The following TEX2 variants were observed in gnomAD, a reference collection of about 807,000 sequenced individuals.
TEX2 encodes the protein testis expressed 2, also known as testis-expressed protein 2.
TEX2 carries 53 observed loss-of-function variants against 106.9 expected under a neutral mutation model. The observed-to-expected ratio is 0.50, with a 90% CI of 0.40 to 0.62. The LOEUF (loss-of-function observed/expected upper bound fraction) is 0.62. Ranked by LOEUF, TEX2 falls within the 20% of genes least tolerant of loss-of-function variation. The probability of loss-of-function intolerance (pLI) is 0.00; values close to 1 mark genes in which losing one functional copy is unlikely to be tolerated. For synonymous variants in TEX2, 523 were observed against 534.8 expected (o/e 0.98, Z 0.30); for missense variants, 1,207 against 1,379.0 (o/e 0.88, Z 1.98).
intron 1 of TEX2, among the ~76,000 whole-genome samples, chr17:64,256,442 C>T (rs1190354684): frequency 1.3e-5 from 2 of 152,156 alleles, no homozygotes; most frequent in African/African-American, 2.4e-5. Flanking sequence ...CAGAATGGCA[C>T]CTTCTGAGCC....
intron 10 of TEX2, 90 bp downstream of exon 10, chr17:64,152,855 T>C (rs1019591858): frequency 7.4e-7 from 1 of 1,354,236 alleles, no homozygotes. Flanking sequence ...GAGAAGGTAC[T>C]TTCCATAACC....
At chr17:64,219,201 T>A (rs1318644715) in intron 1 of TEX2, among the ~76,000 whole-genome samples, 1 of 152,022 alleles carries the variant, frequency 6.6e-6, no homozygotes, top group African/African-American at 2.4e-5. Context: ...TGCATCAAGA[T>A]GAGTTTAAAA....
Position 64,147,654 on chromosome 17 carries a change from CAG to C in TEX2, c.*1313_*1314del, listed in dbSNP as rs1319382033. ...CAGATCGGCCTACACAACGAAAAAT[CAG>C]AACAGTACACCAACTGGAATGGTCA... On this transcript the variant is annotated 3_prime_UTR_variant, in exon 12 of 12. Transcript: ENST00000584379. The C allele has an allele frequency of 2.0e-5, 3 of 152,654 alleles. No individual in the cohort carries two copies. Among genetic ancestry groups the C allele is most frequent in the Admixed American group, 6.5e-5 (1 of 15,294 alleles). 9.5% of individuals were successfully genotyped at this position (152,654 alleles called of 1,614,324 possible). A position where few individuals can be genotyped will look rare whatever the true frequency, so the allele number is the denominator to read the frequency against.
chr17:64,196,982 A>ATTTTTTTTTTT (rs59960456), intron 2 of TEX2, among the ~76,000 whole-genome samples: 1,179 of 63,526 alleles, frequency 0.019, 156 homozygotes, highest in Non-Finnish European at 0.025. Context: ...TCAAATCAAG[A>ATTTTTTTTTTT]TTTTTTTTTT....
chr17:64,160,460 C>A (rs1027445455), intron 8 of TEX2, among the ~76,000 whole-genome samples: 1 of 152,116 alleles, frequency 6.6e-6, no homozygotes, highest in Non-Finnish European at 1.5e-5. Flanking sequence ...TGTTTATGAC[C>A]GGAAGGATCT....
At chr17:64,207,244 T>C (rs569291324) in intron 2 of TEX2, among the ~76,000 whole-genome samples, 159 of 152,306 alleles carry the variant, frequency 1.0e-3, no homozygotes, top group Non-Finnish European at 2.0e-3. Flanking sequence ...TGAGAACTTA[T>C]ACGGCTCAGA....
chr17:64,232,739 G>C (rs2033685636), intron 1 of TEX2, among the ~76,000 whole-genome samples: 1 of 152,198 alleles, frequency 6.6e-6, no homozygotes, highest in Admixed American at 6.5e-5. Flanking sequence ...CTTCCATACA[G>C]GGTTGCAATT....
intron 1 of TEX2, among the ~76,000 whole-genome samples, chr17:64,229,037 G>A (rs2033591381): frequency 6.6e-6 from 1 of 151,890 alleles, no homozygotes; most frequent in Non-Finnish European, 1.5e-5. Context: ...GAAATTTGCA[G>A]GGTTTCCTGT....
At chr17:64,245,844 G>A (rs1408985945) in intron 1 of TEX2, among the ~76,000 whole-genome samples, 2 of 152,166 alleles carry the variant, frequency 1.3e-5, no homozygotes, top group Non-Finnish European at 2.9e-5. Flanking sequence ...GAGAGCTAAA[G>A]CCATTACTGC....
chr17:64,154,963 T>G lies in TEX2; in HGVS notation c.2809A>C (p.Arg937=). Residue 937 remains arginine (R), a synonymous_variant, in exon 9 of 12, where the codon AGG becomes CGG. Coordinates refer to ENST00000584379, the MANE Select transcript of TEX2 (RefSeq NM_001288732.2). ...TCCGCCAGACAGAATGCCCGGGGCC[T>G]GCAACTGGACAGAGAGAGAGTCACC... ...KVGEIGKEGC[R]PRAFCLADSD... 1 of 1,585,066 alleles carries G rather than the reference T, an allele frequency of 6.3e-7. No individual in the cohort carries two copies.
At chr17:64,235,608 T>C (rs1189281253) in intron 1 of TEX2, among the ~76,000 whole-genome samples, 3 of 152,144 alleles carry the variant, frequency 2.0e-5, no homozygotes, top group African/African-American at 4.8e-5. Flanking sequence ...CAAAACTTGT[T>C]TGGGGTAAAA....
chr17:64,152,617 T>C (rs2030411906), intron 10 of TEX2, among the ~76,000 whole-genome samples: 1 of 152,188 alleles, frequency 6.6e-6, no homozygotes, highest in Non-Finnish European at 1.5e-5. Flanking sequence ...AAAGGCGCTA[T>C]CTACAAATGA....
intron 7 of TEX2, among the ~76,000 whole-genome samples, chr17:64,169,123 C>T (rs997417365): frequency 1.3e-5 from 2 of 152,138 alleles, no homozygotes; most frequent in African/African-American, 4.8e-5. Context: ...ATTGCAACCT[C>T]TGCCTCCTGG....
At chr17:64,188,672 C>T (rs1260536445) in intron 4 of TEX2, among the ~76,000 whole-genome samples, 2 of 151,800 alleles carry the variant, frequency 1.3e-5, no homozygotes, top group African/African-American at 4.8e-5. Context: ...AAAAATTAGC[C>T]GGGCGTGGTG....
chr17:64,260,633 AG>A (rs1201378374), intron 1 of TEX2, among the ~76,000 whole-genome samples: 1 of 152,176 alleles, frequency 6.6e-6, no homozygotes, highest in Non-Finnish European at 1.5e-5. Context: ...CTAGGACTGG[AG>A]AGGATATATA....
chr17:64,171,292 C>A, intron 6 of TEX2, 93 bp from the exon 7 acceptor site: 2 of 1,069,788 alleles, frequency 1.9e-6, no homozygotes, highest in East Asian at 2.5e-5. Flanking sequence ...GGATGGTGGC[C>A]AAGGTTTTGG....
intron 1 of TEX2, among the ~76,000 whole-genome samples, chr17:64,226,615 A>T (rs139589209): frequency 5.1e-4 from 77 of 152,324 alleles, no homozygotes; most frequent in African/African-American, 1.8e-3. Context: ...TTCACCCAAA[A>T]GTTCAAATGG....
chr17:64,154,786 A>C lies in TEX2; in HGVS notation c.2930+56T>G, dbSNP rs1379432825. 1.2e-5 allele frequency: 18 copies of C among 1,470,854 alleles called. 1 individual carries two copies. In the South Asian group the frequency reaches 2.5e-4, roughly 21 times the overall value. The allele number at this position is 1,470,854 out of a possible 1,614,324, so 91.1% of individuals were successfully genotyped here. The stretch of plus-strand genomic sequence containing the variant: ...AGGAAGGGAAACAAGGTTCACTCCC[A>C]ACTTGCTGTCCTGATCCCTGGAGAC... On this transcript the variant is annotated intron_variant, in intron 9 of 11. Coordinates refer to ENST00000584379, the MANE Select transcript of TEX2 (RefSeq NM_001288732.2).
chr17:64,177,954 T>C (rs1365603748), intron 5 of TEX2, among the ~76,000 whole-genome samples: 2 of 152,176 alleles, frequency 1.3e-5, no homozygotes, highest in Non-Finnish European at 2.9e-5. Context: ...CCCGGGATGC[T>C]TAAAAATACT....
Sources: allele counts gnomAD v4.1 joint callset (sites outside exome capture counted in the v4.1 genomes callset), GRCh38; gene constraint gnomAD v4.1.1; transcripts MANE v1.5; gene names NCBI Gene and HGNC (gene_info 2026-07-23, HGNC 2026-07-21).